Variants in BOC observed in about 807,000 individuals in gnomAD.
BOC encodes brother of CDO.
In BOC, 76 loss-of-function variants were observed where a neutral mutation model predicts 112.0. The observed-to-expected ratio is 0.68, with a 90% CI of 0.56 to 0.82. The LOEUF (loss-of-function observed/expected upper bound fraction) is 0.82, where lower values mean the gene tolerates loss of function less well. Among genes scored for constraint, BOC ranks in the 40% least tolerant of loss-of-function variants. The probability of loss-of-function intolerance (pLI) is 0.00; values close to 1 mark genes in which losing one functional copy is unlikely to be tolerated. For missense variants in BOC, 1,309 were observed against 1,511.7 expected, an observed-to-expected ratio of 0.87 and a Z score of 2.22; for synonymous variants, 580 against 599.8, an observed-to-expected ratio of 0.97 and a Z score of 0.48.
At chr3:113,279,125 TG>T in intron 11 of BOC, 123 bp from the exon 12 acceptor site, 1 of 987,268 alleles carries the variant, frequency 1.0e-6, no homozygotes. Context: ...TGGAGGGCTG[TG>T]GGGAGGAGCG....
Position 113,279,379 on chromosome 3 carries a change from A to G in BOC, c.1947A>G (p.Lys649=). The change falls in exon 12 of 20, where the codon AAA becomes AAG. Residue 649 remains lysine, a synonymous_variant. Transcript: ENST00000682979. Reference sequence around the variant, plus strand: ...GTGTGGAGTACAAGAAGCTAAAGAAAGTGGGAGACTGGATTCTGGCCACCA... The same window carrying G: ...GTGTGGAGTACAAGAAGCTAAAGAAGGTGGGAGACTGGATTCTGGCCACCA... ...SFRVEYKKLK[K]VGDWILATSA... is the part of the protein sequence containing the mutation. 6.2e-7 allele frequency: 1 copy of G among 1,614,192 alleles called. No homozygotes were observed. The highest frequency in any genetic ancestry group is 8.5e-7 in the Non-Finnish European group (1 of 1,180,028).
rs772061619 is a variant in BOC at position 113,285,554 on chromosome 3, C to CATT, written c.3150_3152dup (p.Pro1050_Phe1051insLeu). ...GTCCTGGAAGCAGTGTGGGACCCTC[C>CATT]ATTTCACTCAGGTTGGTTCCAGGAG... On this transcript the variant is annotated inframe_insertion, in exon 19 of 20. Coordinates refer to ENST00000682979, the MANE Select transcript of BOC (RefSeq NM_001378074.1). 3 of 1,582,316 alleles carry CATT rather than the reference C, an allele frequency of 1.9e-6. No individual in the cohort carries two copies. The highest frequency in any genetic ancestry group is 2.6e-6 in the Non-Finnish European group (3 of 1,163,654).
At chr3:113,215,915 A>G (rs921317643) in intron 1 of BOC, among the ~76,000 whole-genome samples, 1 of 152,322 alleles carries the variant, frequency 6.6e-6, no homozygotes, top group East Asian at 1.9e-4. Context: ...GTTGATGACT[A>G]TTGATGAAAA....
At chr3:113,233,767 G>A (rs936173696) in intron 2 of BOC, among the ~76,000 whole-genome samples, 18 of 152,128 alleles carry the variant, frequency 1.2e-4, no homozygotes, top group Non-Finnish European at 1.8e-4. Context: ...TTCGTCAGGC[G>A]CCTACTTCTC....
chr3:113,239,000 A>G (rs1576376654), intron 2 of BOC, among the ~76,000 whole-genome samples: 1 of 152,248 alleles, frequency 6.6e-6, no homozygotes, highest in Non-Finnish European at 1.5e-5. Flanking sequence ...ATGCTGTTCA[A>G]TAAATTAGCC....
intron 2 of BOC, among the ~76,000 whole-genome samples, chr3:113,232,924 C>T (rs967093409): frequency 1.3e-5 from 2 of 152,278 alleles, no homozygotes; most frequent in Non-Finnish European, 2.9e-5. Flanking sequence ...CTGTGCCAAA[C>T]TGTTCCTTTT....
intron 4 of BOC, among the ~76,000 whole-genome samples, chr3:113,268,030 T>G (rs956134855): frequency 9.9e-5 from 15 of 152,164 alleles, no homozygotes; most frequent in African/African-American, 3.6e-4. Flanking sequence ...TAACAGATGG[T>G]CTGAGCCAGA....
At position 113,284,587 on chromosome 3, in the gene BOC, G is replaced by C; in HGVS notation, c.2889+20G>C. ...CAGCAGGTAGCGCATTCTTGGGTGTGGGCGGCAGGTATGGGACACCCAGGA... is the reference window on the plus strand; with the variant it reads ...CAGCAGGTAGCGCATTCTTGGGTGTCGGCGGCAGGTATGGGACACCCAGGA... On this transcript the variant is annotated intron_variant, in intron 17 of 19. Coordinates refer to ENST00000682979, the MANE Select transcript of BOC (RefSeq NM_001378074.1). 6.2e-7 allele frequency: 1 copy of C among 1,600,690 alleles called. No individual in the cohort carries two copies. The highest frequency in any genetic ancestry group is 2.3e-5 in the East Asian group (1 of 44,086).
intron 12 of BOC, 114 bp from the exon 13 acceptor site, chr3:113,279,709 TG>T (rs1289407671): frequency 8.5e-7 from 1 of 1,178,334 alleles, no homozygotes; most frequent in African/African-American, 1.5e-5. Flanking sequence ...TTTGAGAACT[TG>T]CTTTGGGGAA....
intron 4 of BOC, among the ~76,000 whole-genome samples, chr3:113,258,920 G>A (rs1946516138): frequency 6.6e-6 from 1 of 152,174 alleles, no homozygotes; most frequent in African/African-American, 2.4e-5. Flanking sequence ...AAATGAATAA[G>A]GAATACCTTA....
chr3:113,274,470 G>C lies in BOC; in HGVS notation c.1330G>C (p.Gly444Arg). The C allele has an allele frequency of 6.2e-7, 1 of 1,611,378 alleles. No individual in the cohort carries two copies. Among genetic ancestry groups the C allele is most frequent in the Non-Finnish European group, 8.5e-7 (1 of 1,178,268 alleles). Reference sequence around the variant, plus strand: ...CGGCAACCCTGAGCAGATGCTGAGGGGGCAACCGGCGCTCCCCAGACCCCC... The same window carrying C: ...CGGCAACCCTGAGCAGATGCTGAGGCGGCAACCGGCGCTCCCCAGACCCCC... ...KLGNPEQMLR[G>R]QPALPRPPTS... The change falls in exon 9 of 20, where the codon GGG becomes CGG. Residue 444 changes from glycine (G) to arginine (R), a missense_variant. Gly to Arg is a moderately radical substitution (Grantham distance 125). Transcript: ENST00000682979. The surrounding 1 kb of genome is among the most constrained non-coding windows in gnomAD (Gnocchi z 4.8).
intron 2 of BOC, among the ~76,000 whole-genome samples, chr3:113,226,598 A>T (rs1231833377): frequency 6.6e-6 from 1 of 152,248 alleles, no homozygotes; most frequent in Non-Finnish European, 1.5e-5. Flanking sequence ...AACTTTCCCC[A>T]CATGAGAAAT....
intron 16 of BOC, 84 bp downstream of exon 16, chr3:113,283,716 C>G (rs1949405585): frequency 1.5e-6 from 2 of 1,333,922 alleles, no homozygotes; most frequent in Admixed American, 3.9e-5. Flanking sequence ...GGTCTGTGTC[C>G]ATGGAAAGCT....
intron 2 of BOC, among the ~76,000 whole-genome samples, chr3:113,242,160 T>C (rs1048343512): frequency 6.9e-6 from 1 of 143,908 alleles, no homozygotes; most frequent in African/African-American, 2.6e-5. Flanking sequence ...CTTCTAGGAG[T>C]GTAGGAGCTG....
chr3:113,245,739 C>T (rs1046986135), intron 2 of BOC, among the ~76,000 whole-genome samples: 2 of 152,232 alleles, frequency 1.3e-5, no homozygotes, highest in Non-Finnish European at 2.9e-5. Flanking sequence ...GTATTCTTGC[C>T]ACTTGAAGAA....
At chr3:113,220,779 A>G (rs572080995) in intron 2 of BOC, among the ~76,000 whole-genome samples, 2 of 152,326 alleles carry the variant, frequency 1.3e-5, no homozygotes, top group South Asian at 2.1e-4. Context: ...GGATCGGGCA[A>G]TGTAGGGTCT....
rs560203947 is a variant in BOC at position 113,272,828 on chromosome 3, A to C, written c.961+125A>C. ...TGAAAGGCCACATGCTGAGTGAGGA[A>C]CAGGCATGCTGAAGAGTCAGGGCTC... On this transcript the variant is annotated intron_variant, in intron 7 of 19. Coordinates refer to ENST00000682979, the MANE Select transcript of BOC (RefSeq NM_001378074.1). The C allele has an allele frequency of 2.9e-5, 36 of 1,234,486 alleles. No homozygotes were observed. In the Admixed American group the frequency reaches 4.6e-4, roughly 16 times the overall value. 76.5% of individuals were successfully genotyped at this position (1,234,486 alleles called of 1,614,324 possible). A position where few individuals can be genotyped will look rare whatever the true frequency, so the allele number is the denominator to read the frequency against.
At chr3:113,225,716 G>A (rs1941555894) in intron 2 of BOC, among the ~76,000 whole-genome samples, 1 of 152,236 alleles carries the variant, frequency 6.6e-6, no homozygotes, top group Non-Finnish European at 1.5e-5. Flanking sequence ...CACTCTACCA[G>A]CAAGCTAGCC....
intron 19 of BOC, 74 bp from the exon 20 acceptor site, chr3:113,286,601 T>C (rs1361675248): frequency 8.0e-7 from 1 of 1,256,348 alleles, no homozygotes. Context: ...CAGATAGAGA[T>C]TGGCCCAGTG....
Sources: gnomAD v4.1 joint callset for allele counts (sites outside exome capture counted in the v4.1 genomes callset) on GRCh38, gnomAD v4.1.1 for gene constraint, Gnocchi (gnomAD v3.1) non-coding constraint, MANE v1.5 for transcripts, NCBI Gene and HGNC (gene_info 2026-07-23, HGNC 2026-07-21) for gene names.